Variants in MTUS1 observed in about 807,000 individuals in gnomAD.
MTUS1 encodes the protein microtubule associated scaffold protein 1.
MTUS1 carries 109 observed loss-of-function variants against 120.8 expected under a neutral mutation model. The ratio of observed to expected loss-of-function variants is 0.90; its 90% CI spans 0.77 to 1.06. The LOEUF (loss-of-function observed/expected upper bound fraction) is 1.06. Among genes scored for constraint, MTUS1 ranks in the 50% least tolerant of loss-of-function variants. The pLI is 0.00. For synonymous variants in MTUS1, 737 were observed against 550.5 expected (o/e 1.34, Z -4.74); for missense variants, 2,210 against 1,486.3 (o/e 1.49, Z -8.01).
At chr8:17,751,100 T>C (rs1201713127) in intron 2 of MTUS1, among the ~76,000 whole-genome samples, 1 of 151,664 alleles carries the variant, frequency 6.6e-6, no homozygotes, top group East Asian at 2.0e-4. Flanking sequence ...GCGGATCACT[T>C]GAGGTCAGGA....
intron 4 of MTUS1, among the ~76,000 whole-genome samples, chr8:17,717,720 G>C (rs1822611875): frequency 6.6e-6 from 1 of 152,092 alleles, no homozygotes; most frequent in Non-Finnish European, 1.5e-5. Context: ...TTCTTCATGA[G>C]GGATGGTACT....
chr8:17,656,146 G>A, intron 8 of MTUS1, 81 bp from the exon 9 acceptor site: 2 of 1,257,446 alleles, frequency 1.6e-6, no homozygotes, highest in South Asian at 2.5e-5. Context: ...ACACACAGCT[G>A]TGATGACACC....
intron 1 of MTUS1, among the ~76,000 whole-genome samples, chr8:17,779,793 C>G (rs1470338032): frequency 6.6e-6 from 1 of 152,124 alleles, no homozygotes; most frequent in Non-Finnish European, 1.5e-5. Context: ...GGAGGGGGGG[C>G]GGGGGCAGCC....
At chr8:17,725,427 T>C (rs1309860105) in intron 3 of MTUS1, among the ~76,000 whole-genome samples, 3 of 152,214 alleles carry the variant, frequency 2.0e-5, no homozygotes, top group Admixed American at 1.3e-4. Flanking sequence ...TACATCCATG[T>C]GTGCTCTGCT....
At chr8:17,765,496 T>C (rs1022146355) in intron 1 of MTUS1, among the ~76,000 whole-genome samples, 3 of 151,664 alleles carry the variant, frequency 2.0e-5, no homozygotes, top group African/African-American at 7.3e-5. Flanking sequence ...GGTGTGCACC[T>C]GTAATCTCAG....
intron 3 of MTUS1, among the ~76,000 whole-genome samples, chr8:17,724,502 T>C (rs1355849227): frequency 1.3e-5 from 2 of 151,910 alleles, no homozygotes; most frequent in East Asian, 2.0e-4. Context: ...TTTTTTTTAA[T>C]CTCACCTTTT....
chr8:17,673,005 G>C (rs1009609737), intron 8 of MTUS1, among the ~76,000 whole-genome samples: 13 of 152,188 alleles, frequency 8.5e-5, no homozygotes, highest in African/African-American at 2.7e-4. Context: ...CTTGTCTTCG[G>C]AGAGAGGCTG....
intron 14 of MTUS1, 28 bp from the exon 15 acceptor site, chr8:17,646,167 G>T (rs1424591234): frequency 6.6e-7 from 1 of 1,512,458 alleles, no homozygotes; most frequent in Non-Finnish European, 8.8e-7. Context: ...GAAACCATGA[G>T]ATCTATGTAA....
chr8:17,747,467 G>A (rs185215871), intron 2 of MTUS1, among the ~76,000 whole-genome samples: 51 of 152,240 alleles, frequency 3.3e-4, no homozygotes, highest in African/African-American at 1.2e-3. Context: ...TATTGATAGA[G>A]GCAGGAGGCA....
At chr8:17,769,346 ATTTTTT>A (rs34688586) in intron 1 of MTUS1, among the ~76,000 whole-genome samples, 2 of 106,044 alleles carry the variant, frequency 1.9e-5, no homozygotes, top group Non-Finnish European at 3.9e-5. Flanking sequence ...TTAGTCAGTA[ATTTTTT>A]TTTTTTTTTT....
chr8:17,744,224 C>T (rs2047555505), intron 2 of MTUS1, among the ~76,000 whole-genome samples: 1 of 152,112 alleles, frequency 6.6e-6, no homozygotes, highest in South Asian at 2.1e-4. Flanking sequence ...CTTCCCTTCC[C>T]AGATCTTTGG....
At chr8:17,761,845 T>G (rs938852140) in intron 1 of MTUS1, among the ~76,000 whole-genome samples, 1 of 152,230 alleles carries the variant, frequency 6.6e-6, no homozygotes, top group Non-Finnish European at 1.5e-5. Context: ...TCTTAAAAGT[T>G]TTTAAGAACT....
intron 8 of MTUS1, among the ~76,000 whole-genome samples, chr8:17,664,903 C>T (rs907600693): frequency 2.0e-5 from 3 of 152,036 alleles, no homozygotes; most frequent in Non-Finnish European, 2.9e-5. Context: ...TGTGGACAGG[C>T]AGTGGCCTAA....
intron 3 of MTUS1, among the ~76,000 whole-genome samples, chr8:17,726,876 G>A (rs2046261548): frequency 6.6e-6 from 1 of 152,214 alleles, no homozygotes; most frequent in Non-Finnish European, 1.5e-5. Flanking sequence ...CAGCCACAGT[G>A]CAGCCAAGGC....
intron 8 of MTUS1, among the ~76,000 whole-genome samples, chr8:17,656,553 C>A (rs1808290964): frequency 7.8e-6 from 1 of 128,962 alleles, no homozygotes; most frequent in African/African-American, 2.8e-5. Context: ...AAACCCCCCC[C>A]CACCCCACAT....
intron 7 of MTUS1, among the ~76,000 whole-genome samples, chr8:17,683,264 T>G (rs1030723073): frequency 6.6e-6 from 1 of 151,564 alleles, no homozygotes; most frequent in African/African-American, 2.4e-5. Flanking sequence ...AGAGTGAGAG[T>G]CTGTCTCAAA....
At chr8:17,667,452 G>A (rs1811142725) in intron 8 of MTUS1, among the ~76,000 whole-genome samples, 2 of 152,188 alleles carry the variant, frequency 1.3e-5, no homozygotes, top group South Asian at 4.1e-4. Context: ...ACGGAACAGT[G>A]AATGAATCAA....
chr8:17,767,585 C>T (rs1397659468), intron 1 of MTUS1, among the ~76,000 whole-genome samples: 5 of 150,882 alleles, frequency 3.3e-5, no homozygotes, highest in African/African-American at 7.3e-5. Flanking sequence ...ATGGTCCCAG[C>T]TACTCTGAAG....
intron 12 of MTUS1, among the ~76,000 whole-genome samples, chr8:17,652,327 A>G (rs547376775): frequency 5.9e-5 from 9 of 152,384 alleles, no homozygotes; most frequent in Non-Finnish European, 1.3e-4. Context: ...ATGAAATACT[A>G]ACATAGGCTA....
Sources: allele counts gnomAD v4.1 joint callset (sites outside exome capture counted in the v4.1 genomes callset), GRCh38; gene constraint gnomAD v4.1.1; transcripts MANE v1.5; gene names NCBI Gene and HGNC (gene_info 2026-07-23, HGNC 2026-07-21).